ANK1: variants seen among roughly 807,000 people sequenced by gnomAD.
The protein encoded by ANK1 is ankyrin-1.
ANK1 carries 51 observed loss-of-function variants against 210.4 expected under a neutral mutation model. The observed-to-expected ratio is 0.24, with a 90% CI of 0.19 to 0.31. The LOEUF (loss-of-function observed/expected upper bound fraction) is 0.31. ANK1 is among the 10% of genes least tolerant of loss of function. The probability of loss-of-function intolerance (pLI) is 1.00; values close to 1 mark genes in which losing one functional copy is unlikely to be tolerated. For synonymous variants in ANK1, 967 were observed against 1,025.9 expected, an observed-to-expected ratio of 0.94 and a Z score of 1.10; for missense variants, 2,051 against 2,504.4, an observed-to-expected ratio of 0.82 and a Z score of 3.86.
chr8:41,730,974 G>A (rs1217017249), intron 3 of ANK1, among the ~76,000 whole-genome samples: 1 of 152,208 alleles, frequency 6.6e-6, no homozygotes, highest in Non-Finnish European at 1.5e-5. Context: ...CTTACCCCAC[G>A]AGGAGGGGAA....
chr8:41,664,917 A>G (rs752530627), intron 39 of ANK1: 1 of 1,614,252 alleles, frequency 6.2e-7, no homozygotes. Flanking sequence ...GTGCTTTAGC[A>G]CAAAGCACAG....
intron 1 of ANK1, among the ~76,000 whole-genome samples, chr8:41,848,837 G>C (rs1458395435): frequency 6.6e-6 from 1 of 152,178 alleles, no homozygotes; most frequent in Admixed American, 6.5e-5. Context: ...CAAGCAGGGA[G>C]TAGGTGGCCC....
At chr8:41,685,126 G>A (rs1445478342) in intron 36 of ANK1, among the ~76,000 whole-genome samples, 1 of 152,102 alleles carries the variant, frequency 6.6e-6, no homozygotes, top group Non-Finnish European at 1.5e-5. Flanking sequence ...ACAAGGTTTT[G>A]CCATGTTGGC....
chr8:41,672,719 C>T lies in ANK1; in HGVS notation c.4731G>A (p.Leu1577=). The T allele has an allele frequency of 6.2e-7, 1 of 1,609,734 alleles. No homozygotes were observed. Among genetic ancestry groups the T allele is most frequent in the Non-Finnish European group, 8.5e-7 (1 of 1,176,708 alleles). ...CCAGAGAGGAGTCCTCAGCAGTGAC[C>T]AGAGAAGGCGTGAGGCCCGCAGACC... The part of the protein sequence containing the change: ...QVWSAGLTPS[L]VTAEDSSLEC... Residue 1577 remains leucine, a synonymous_variant, in exon 38 of 43, where the codon CTG becomes CTA. Coordinates refer to ENST00000289734, the MANE Select transcript of ANK1 (RefSeq NM_000037.4).
chr8:41,813,241 C>T (rs1033019499), intron 1 of ANK1, among the ~76,000 whole-genome samples: 1 of 152,160 alleles, frequency 6.6e-6, no homozygotes, highest in Non-Finnish European at 1.5e-5. Context: ...CATGTTGTGG[C>T]GATTTCTCCA....
intron 9 of ANK1, 70 bp from the exon 10 acceptor site, chr8:41,719,928 T>A: frequency 6.5e-7 from 1 of 1,536,358 alleles, no homozygotes; most frequent in East Asian, 2.3e-5. Flanking sequence ...TCAGGACGAT[T>A]CCAACGTCAC....
intron 2 of ANK1, among the ~76,000 whole-genome samples, chr8:41,752,588 G>A (rs1309293795): frequency 2.6e-5 from 4 of 152,068 alleles, no homozygotes; most frequent in African/African-American, 7.2e-5. Flanking sequence ...TCCACACACC[G>A]GTCTGCTCCC....
intron 2 of ANK1, among the ~76,000 whole-genome samples, chr8:41,754,196 T>A (rs1838502711): frequency 6.6e-6 from 1 of 152,250 alleles, no homozygotes; most frequent in Middle Eastern, 3.2e-3. Flanking sequence ...CAGCTCTCCA[T>A]ATACACGTGG....
At chr8:41,847,877 T>C (rs1257698747) in intron 1 of ANK1, among the ~76,000 whole-genome samples, 1 of 152,062 alleles carries the variant, frequency 6.6e-6, no homozygotes, top group African/African-American at 2.4e-5. Context: ...CTTTAAAAAA[T>C]AGAACTGTGG....
At chr8:41,767,411 G>C (rs1842076249) in intron 1 of ANK1, among the ~76,000 whole-genome samples, 1 of 151,632 alleles carries the variant, frequency 6.6e-6, no homozygotes, top group South Asian at 2.1e-4. Context: ...ATCCGAGCCC[G>C]GCTCCCGCTC....
At chr8:41,811,354 T>C (rs768095513) in intron 1 of ANK1, among the ~76,000 whole-genome samples, 7 of 152,334 alleles carry the variant, frequency 4.6e-5, no homozygotes, top group Middle Eastern at 3.4e-3. Context: ...AGAAACAAGT[T>C]AGCCTATGAG....
Position 41,727,438 on chromosome 8 carries a change from G to A in ANK1, c.328-90C>T, listed in dbSNP as rs1476240098. 4.5e-5 allele frequency: 41 copies of A among 918,572 alleles called. 1 individual carries two copies. The highest frequency in any genetic ancestry group is 2.4e-4 in the Admixed American group (13 of 54,692). The allele number at this position is 918,572 out of a possible 1,614,324, so 56.9% of individuals were successfully genotyped here. On this transcript the variant is annotated intron_variant, in intron 4 of 42. Coordinates refer to ENST00000289734, the MANE Select transcript of ANK1 (RefSeq NM_000037.4). ...AACGTCCTCTCACCTGGAGGACAGCGCTCTCTTCATTCCATTTCCTCCCAC... is the reference window on the plus strand; with the variant it reads ...AACGTCCTCTCACCTGGAGGACAGCACTCTCTTCATTCCATTTCCTCCCAC...
chr8:41,698,637 T>C (rs1047576630), intron 23 of ANK1, among the ~76,000 whole-genome samples: 1 of 152,086 alleles, frequency 6.6e-6, no homozygotes, highest in East Asian at 1.9e-4. Flanking sequence ...TGCCCCACAG[T>C]GAGATAACTC....
chr8:41,749,037 A>AC (rs1836975665), intron 2 of ANK1, among the ~76,000 whole-genome samples: 1 of 151,644 alleles, frequency 6.6e-6, no homozygotes, highest in African/African-American at 2.4e-5. Context: ...TCCATCTCAA[A>AC]AAAAAAAAAA....
In ANK1 at chr8:41,699,547, C is replaced by T; in HGVS notation, c.2463G>A (p.Gly821=). Residue 821 remains glycine, a splice_region_variant and synonymous_variant, in exon 23 of 43, where the codon GGG becomes GGA. Coordinates refer to ENST00000289734, the MANE Select transcript of ANK1 (RefSeq NM_000037.4). ...DEILDVSEDE[G]EELISFKAER... is the part of the protein sequence containing the mutation. ...CAGCCTTGAAGCTGATGAGTTCTTCCCCTGAAACAGCAAGAGCTCAAGTGA... is the reference window on the plus strand; with the variant it reads ...CAGCCTTGAAGCTGATGAGTTCTTCTCCTGAAACAGCAAGAGCTCAAGTGA... 1.2e-6 allele frequency: 2 copies of T among 1,614,054 alleles called. No homozygotes were observed. Among genetic ancestry groups the T allele is most frequent in the East Asian group, 2.2e-5 (1 of 44,884 alleles).
chr8:41,715,192 G>T, intron 14 of ANK1, 118 bp from the exon 15 acceptor site: 4 of 953,046 alleles, frequency 4.2e-6, no homozygotes, highest in Non-Finnish European at 6.5e-6. Context: ...GAAAGCAAAG[G>T]CACAGCCATT....
At chr8:41,848,101 C>G (rs958320653) in intron 1 of ANK1, among the ~76,000 whole-genome samples, 8 of 151,884 alleles carry the variant, frequency 5.3e-5, no homozygotes, top group African/African-American at 2.4e-5. Context: ...ACAAGAATCA[C>G]TTGAACCTGG....
intron 16 of ANK1, 93 bp from the exon 17 acceptor site, chr8:41,709,068 G>T: frequency 6.8e-7 from 1 of 1,464,658 alleles, no homozygotes; most frequent in Non-Finnish European, 9.4e-7. Flanking sequence ...GTTCTTGGCC[G>T]GCTGGACACC....
At chr8:41,884,976 C>T (rs750189497) in intron 1 of ANK1, among the ~76,000 whole-genome samples, 1 of 150,972 alleles carries the variant, frequency 6.6e-6, no homozygotes, top group African/African-American at 2.4e-5. Flanking sequence ...GCACAGTGGT[C>T]GGGGAAGGGT....
Sources: gnomAD v4.1 joint callset for allele counts (sites outside exome capture counted in the v4.1 genomes callset) on GRCh38, gnomAD v4.1.1 for gene constraint, MANE v1.5 for transcripts, NCBI Gene and HGNC (gene_info 2026-07-23, HGNC 2026-07-21) for gene names.